TBX18: variants seen among roughly 807,000 people sequenced by gnomAD.
TBX18 encodes T-box transcription factor 18, also known as T-box transcription factor TBX18.
In TBX18, 21 loss-of-function variants were observed where a neutral mutation model predicts 55.0. That is an observed-to-expected ratio of 0.38 (90% CI 0.27 to 0.55). The LOEUF is 0.55. Ranked by LOEUF, TBX18 falls within the 20% of genes least tolerant of loss-of-function variation. TBX18 has a pLI of 0.73. For synonymous variants in TBX18, 342 were observed against 326.1 expected, an observed-to-expected ratio of 1.05 and a Z score of -0.53; for missense variants, 840 against 799.6, an observed-to-expected ratio of 1.05 and a Z score of -0.61.
chr6:84,745,638 ATTC>A (rs1365575652), intron 5 of TBX18, among the ~76,000 whole-genome samples: 2 of 152,274 alleles, frequency 1.3e-5, no homozygotes, highest in East Asian at 1.9e-4. Context: ...CATTGAAGGA[ATTC>A]TTCTTTACAG....
At chr6:84,746,765 A>G (rs1767206099) in intron 5 of TBX18, among the ~76,000 whole-genome samples, 1 of 150,230 alleles carries the variant, frequency 6.7e-6, no homozygotes, top group African/African-American at 2.4e-5. Flanking sequence ...AGAGAAGATT[A>G]GCATGGTCCT....
In TBX18 at chr6:84,756,767, A is replaced by G; in HGVS notation, c.702T>C (p.Thr234=). ...IHPDSPASGE[T]WMRQVISFDK... ...CGAAGCTGATAACTTGTCTCATCCA[A>G]GTCTCCCCCGAGGCAGGCGAGTCTG... Residue 234 remains threonine (T), a synonymous_variant, in exon 4 of 8, where the codon ACT becomes ACC. Transcript: ENST00000369663. 2 of 1,614,144 alleles carry G rather than the reference A, an allele frequency of 1.2e-6. No homozygotes were observed. The highest frequency in any genetic ancestry group is 1.7e-6 in the Non-Finnish European group (2 of 1,180,028).
At position 84,733,247 on chromosome 6, in the gene TBX18, G is replaced by C. The variant is rs116109181; in HGVS notation, c.*3438C>G. ...ATAATTTTTAAGGTTTGAACTCTTAGAATGCTGTAATCATGTATGAGTACT... is the reference window on the plus strand; with the variant it reads ...ATAATTTTTAAGGTTTGAACTCTTACAATGCTGTAATCATGTATGAGTACT... On this transcript the variant is annotated 3_prime_UTR_variant, in exon 8 of 8. Transcript: ENST00000369663. The C allele has an allele frequency of 9.8e-4, 149 of 152,248 alleles. 1 individual carries two copies. Among genetic ancestry groups the C allele is most frequent in the African/African-American group, 3.5e-3 (144 of 41,538 alleles). 9.4% of individuals were successfully genotyped at this position (152,248 alleles called of 1,614,324 possible). A position where few individuals can be genotyped will look rare whatever the true frequency, so the allele number is the denominator to read the frequency against.
At chr6:84,763,176 C>A in intron 1 of TBX18, 1 of 357,564 alleles carries the variant, frequency 2.8e-6, no homozygotes, top group Non-Finnish European at 5.4e-6. Flanking sequence ...GCAGCAAAAG[C>A]GCCCGGACTC....
At chr6:84,738,459 C>A (rs369286984) in intron 7 of TBX18, 38 bp downstream of exon 7, 1 of 1,506,382 alleles carries the variant, frequency 6.6e-7, no homozygotes, top group South Asian at 1.1e-5. Context: ...TAGGCAGGAA[C>A]GGGCTGTATA....
rs537496573 is a variant in TBX18, at chr6:84,754,777, G to A, written c.771+1921C>T. On this transcript the variant is annotated intron_variant, in intron 4 of 7. Coordinates refer to ENST00000369663, the MANE Select transcript of TBX18 (RefSeq NM_001080508.3). ...TATATCAGCAGACTTTGAGAAAAGT[G>A]GACTACCCTTCATAATGTGGGTAGG... Among the ~76,000 whole-genome samples, 521 of 152,246 alleles carry A rather than the reference G, an allele frequency of 3.4e-3. 4 individuals carry two copies. The highest frequency in any genetic ancestry group is 0.012 in the African/African-American group (495 of 41,540).
intron 1 of TBX18, among the ~76,000 whole-genome samples, chr6:84,763,618 AGCTGCACC>A (rs1767721510): frequency 6.6e-6 from 1 of 152,068 alleles, no homozygotes; most frequent in South Asian, 2.1e-4. Context: ...GGAAGCACAG[AGCTGCACC>A]GCTAGGCGCA....
chr6:84,746,366 A>T (rs946853480), intron 5 of TBX18, among the ~76,000 whole-genome samples: 1 of 148,208 alleles, frequency 6.7e-6, no homozygotes, highest in African/African-American at 2.5e-5. Context: ...AATATATTTT[A>T]ATACATTAAA....
intron 5 of TBX18, among the ~76,000 whole-genome samples, chr6:84,745,693 A>C (rs1562259854): frequency 6.6e-6 from 1 of 152,154 alleles, no homozygotes; most frequent in East Asian, 1.9e-4. Context: ...ATAATGTTTA[A>C]AAACATTAAG....
At chr6:84,743,011 G>T (rs556881308) in intron 6 of TBX18, among the ~76,000 whole-genome samples, 1 of 152,146 alleles carries the variant, frequency 6.6e-6, no homozygotes, top group South Asian at 2.1e-4. Context: ...CAAAAGACAA[G>T]CAATTTTTTT....
Position 84,736,802 on chromosome 6 carries a change from C to T in TBX18, c.1707G>A (p.Leu569=), listed in dbSNP as rs1025397233. 1.2e-6 allele frequency: 2 copies of T among 1,614,018 alleles called. No homozygotes were observed. Among genetic ancestry groups the T allele is most frequent in the African/African-American group, 1.3e-5 (1 of 74,934 alleles). The change falls in exon 8 of 8, where the codon TTG becomes TTA. Residue 569 remains leucine, a synonymous_variant. Coordinates refer to ENST00000369663, the MANE Select transcript of TBX18 (RefSeq NM_001080508.3). The stretch of plus-strand genomic sequence containing the variant: ...GCAGGTGCACTCCTTCCACAGGGGG[C>T]AACATCTGCCGATCCGTCATGGTCC... ...PSGTMTDRQM[L]PPVEGVHLLS...
chr6:84,741,540 G>C (rs1013326677), intron 6 of TBX18: 9 of 152,178 alleles, frequency 5.9e-5, no homozygotes, highest in Non-Finnish European at 1.2e-4. Context: ...AAAATAGGCT[G>C]TGCAGCCATA....
intron 2 of TBX18, among the ~76,000 whole-genome samples, chr6:84,761,319 T>C (rs1035368874): frequency 2.6e-5 from 4 of 152,180 alleles, no homozygotes; most frequent in African/African-American, 9.6e-5. Context: ...CATGAAAGAC[T>C]ACTCCTAGAA....
At chr6:84,759,195 T>C (rs1535049) in intron 3 of TBX18, among the ~76,000 whole-genome samples, 1 of 152,136 alleles carries the variant, frequency 6.6e-6, no homozygotes, top group African/African-American at 2.4e-5. Flanking sequence ...TTAAAATAAC[T>C]TATACACAAA....
chr6:84,754,825 T>G (rs1481339875), intron 4 of TBX18, among the ~76,000 whole-genome samples: 1 of 152,186 alleles, frequency 6.6e-6, no homozygotes, highest in East Asian at 1.9e-4. Context: ...AGTTGAAGAC[T>G]GTAGGAGAAA....
chr6:84,763,048 C>G (rs1767699513), intron 1 of TBX18: 2 of 513,604 alleles, frequency 3.9e-6, no homozygotes, highest in East Asian at 3.6e-5. Flanking sequence ...AAGGCCCCAG[C>G]AGAAAAGGCT....
chr6:84,756,049 C>T (rs1767478004), intron 4 of TBX18, among the ~76,000 whole-genome samples: 1 of 152,090 alleles, frequency 6.6e-6, no homozygotes, highest in Non-Finnish European at 1.5e-5. Flanking sequence ...CAGCATGTAT[C>T]CAGTTACTTA....
chr6:84,756,412 CAA>C (rs950314294), intron 4 of TBX18, among the ~76,000 whole-genome samples: 7 of 152,216 alleles, frequency 4.6e-5, no homozygotes, highest in African/African-American at 7.2e-5. Flanking sequence ...ATTAGCACCT[CAA>C]GAGATTTCAC....
Position 84,736,996 on chromosome 6 carries a change from T to G in TBX18, c.1513A>C (p.Ser505Arg), listed in dbSNP as rs777640756. Reference protein sequence around the residue: ...QLQYIMPSPSSNAFATNQTHQ... With the variant: ...QLQYIMPSPSRNAFATNQTHQ... ...GTCTGGTTAGTGGCGAAGGCATTGC[T>G]GGAGGGTGATGGCATGATATACTGG... The change falls in exon 8 of 8, where the codon AGC becomes CGC. Residue 505 changes from serine (S) to arginine (R), a missense_variant. Coordinates refer to ENST00000369663, the MANE Select transcript of TBX18 (RefSeq NM_001080508.3). The G allele has an allele frequency of 5.6e-6, 9 of 1,612,950 alleles. No individual in the cohort carries two copies. Among genetic ancestry groups the G allele is most frequent in the Non-Finnish European group, 7.6e-6 (9 of 1,179,328 alleles).
Sources: allele counts gnomAD v4.1 joint callset (sites outside exome capture counted in the v4.1 genomes callset), GRCh38; gene constraint gnomAD v4.1.1; transcripts MANE v1.5; gene names NCBI Gene and HGNC (gene_info 2026-07-23, HGNC 2026-07-21).